The following GLI2 variants were observed in gnomAD, a reference collection of about 807,000 sequenced individuals.
The protein encoded by GLI2 is GLI family zinc finger 2, also known as transcription activator GLI2.
In GLI2, 22 loss-of-function variants were observed where a neutral mutation model predicts 78.9. The ratio of observed to expected loss-of-function variants is 0.28; its 90% CI spans 0.20 to 0.40. The LOEUF (loss-of-function observed/expected upper bound fraction) is 0.40, where lower values mean the gene tolerates loss of function less well. Ranked by LOEUF, GLI2 falls within the 10% of genes least tolerant of loss-of-function variation. The pLI is 1.00. For missense variants in GLI2, 2,097 were observed against 2,213.2 expected (o/e 0.95, Z 1.05); for synonymous variants, 974 against 963.7 (o/e 1.01, Z -0.20).
In GLI2 at chr2:120,973,769, C is replaced by T. The variant is rs542804498; in HGVS notation, c.1183-1206C>T. Among the ~76,000 whole-genome samples the T allele has an allele frequency of 1.4e-4, 21 of 152,274 alleles. No individual in the cohort carries two copies. The South Asian group carries it at 1.9e-3, about 14-fold the overall frequency. On this transcript the variant is annotated intron_variant, in intron 8 of 13. Coordinates refer to ENST00000361492, the MANE Select transcript of GLI2 (RefSeq NM_001374353.1). Reference sequence around the variant, plus strand: ...CTTTCCTGTTGGGAACAAGTGGATTCGTTGAAAGGTCCTTTGAGAAACAAT... The same window carrying T: ...CTTTCCTGTTGGGAACAAGTGGATTTGTTGAAAGGTCCTTTGAGAAACAAT...
chr2:120,808,270 G>C (rs1685055349), intron 2 of GLI2, among the ~76,000 whole-genome samples: 1 of 152,224 alleles, frequency 6.6e-6, no homozygotes, highest in East Asian at 1.9e-4. Flanking sequence ...TCTCTGTGTG[G>C]TGTGATGGTG....
chr2:120,911,592 G>A (rs145034437), intron 2 of GLI2, among the ~76,000 whole-genome samples: 4 of 152,284 alleles, frequency 2.6e-5, no homozygotes, highest in African/African-American at 9.6e-5. Context: ...CCAATAGTGG[G>A]AGGATTCACT....
chr2:120,952,556 C>T (rs189963517), intron 4 of GLI2, among the ~76,000 whole-genome samples: 514 of 152,346 alleles, frequency 3.4e-3, no homozygotes, highest in African/African-American at 0.012. Context: ...GACTCATCTT[C>T]CTGGCACGGA....
rs142626503 is a variant in GLI2 at position 120,800,473 on chromosome 2, T to TTTATTATTATTATTATTA, written c.148+3008_148+3025dup. 9.7e-4 allele frequency among the ~76,000 whole-genome samples: 144 copies of TTTATTATTATTATTATTA among 148,554 alleles called. No homozygotes were observed. Among genetic ancestry groups the TTTATTATTATTATTATTA allele is most frequent in the African/African-American group, 3.1e-3 (125 of 40,610 alleles). ...TTTGCTGTCTGGCGGAAAGGGATGA[T>TTTATTATTATTATTATTA]TTATTATTATTATTATTATTTTATT... On this transcript the variant is annotated intron_variant, in intron 2 of 13. Transcript: ENST00000361492. The surrounding 1 kb of genome is among the most constrained non-coding windows in gnomAD (Gnocchi z 4.1).
chr2:120,927,487 G>T, intron 3 of GLI2, 21 bp downstream of exon 3: 2 of 1,524,338 alleles, frequency 1.3e-6, no homozygotes, highest in Non-Finnish European at 1.8e-6. Context: ...CCCTCTGCCT[G>T]CTGCTCCTGG....
intron 1 of GLI2, among the ~76,000 whole-genome samples, chr2:120,750,090 G>A (rs916583294): frequency 3.9e-5 from 6 of 152,214 alleles, no homozygotes; most frequent in Non-Finnish European, 5.9e-5. Flanking sequence ...TGAGGGGAGG[G>A]CAGGGCGCAG....
intron 1 of GLI2, among the ~76,000 whole-genome samples, chr2:120,759,147 C>A (rs1419206533): frequency 6.6e-6 from 1 of 152,250 alleles, no homozygotes; most frequent in African/African-American, 2.4e-5. Context: ...TTCTCTTACA[C>A]TCTCACTCTG....
intron 1 of GLI2, among the ~76,000 whole-genome samples, chr2:120,747,991 C>T (rs752734346): frequency 1.3e-5 from 2 of 152,236 alleles, no homozygotes; most frequent in Admixed American, 1.3e-4. Flanking sequence ...ACTTATTAAG[C>T]TCACGGCTGT....
chr2:120,887,253 T>C (rs1054976295), intron 2 of GLI2, among the ~76,000 whole-genome samples: 9 of 152,154 alleles, frequency 5.9e-5, no homozygotes, highest in Non-Finnish European at 1.0e-4. Flanking sequence ...GAACATCCCA[T>C]TCTGGTGCTT....
At chr2:120,757,693 C>G (rs145440722) in intron 1 of GLI2, among the ~76,000 whole-genome samples, 337 of 152,322 alleles carry the variant, frequency 2.2e-3, no homozygotes, top group Non-Finnish European at 3.7e-3. Context: ...CATGCAAAAC[C>G]CTTCTTACCC....
chr2:120,813,881 A>G (rs1032349391), intron 2 of GLI2, among the ~76,000 whole-genome samples: 2 of 152,324 alleles, frequency 1.3e-5, no homozygotes, highest in East Asian at 3.9e-4. Flanking sequence ...TGTCTTAGTT[A>G]TCATTCTTAG....
chr2:120,972,075 C>T lies in GLI2; in HGVS notation c.1182+12C>T. 7 of 1,612,598 alleles carry T rather than the reference C, an allele frequency of 4.3e-6. No homozygotes were observed. Among genetic ancestry groups the T allele is most frequent in the Non-Finnish European group, 5.9e-6 (7 of 1,179,700 alleles). ...TGGCGCTGACGCAGGTAACCTGCTG[C>T]CAGCCGCACCACCTTCCTCCAGCTA... On this transcript the variant is annotated intron_variant, in intron 8 of 13. Transcript: ENST00000361492.
Position 120,927,401 on chromosome 2 carries a change from G to A in GLI2, c.189G>A (p.Pro63=), listed in dbSNP as rs200471311. The A allele has an allele frequency of 1.4e-4, 222 of 1,613,996 alleles. No individual in the cohort carries two copies. Among genetic ancestry groups the A allele is most frequent in the Middle Eastern group, 4.9e-4 (3 of 6,062 alleles). The change falls in exon 3 of 14, where the codon CCG becomes CCA. Residue 63 remains proline, a synonymous_variant. Coordinates refer to ENST00000361492, the MANE Select transcript of GLI2 (RefSeq NM_001374353.1). ...HLLPPFHAPL[P]IDMRHQEGRY... is the part of the protein sequence containing the mutation. ...TGCCACCATTCCATGCGCCCCTACC[G>A]ATTGACATGCGACACCAGGAAGGAA...
intron 5 of GLI2, among the ~76,000 whole-genome samples, chr2:120,958,591 C>A (rs1681391231): frequency 6.6e-6 from 1 of 152,154 alleles, no homozygotes; most frequent in Non-Finnish European, 1.5e-5. Flanking sequence ...CCACTTCTAG[C>A]CCCCTCAGGA....
intron 2 of GLI2, among the ~76,000 whole-genome samples, chr2:120,814,245 G>A (rs1333896166): frequency 6.6e-6 from 1 of 152,228 alleles, no homozygotes; most frequent in Non-Finnish European, 1.5e-5. Context: ...AAAGGGGTAA[G>A]GGCACCGGGA....
At chr2:120,887,894 G>A (rs2104738860) in intron 2 of GLI2, among the ~76,000 whole-genome samples, 1 of 152,364 alleles carries the variant, frequency 6.6e-6, no homozygotes, top group East Asian at 1.9e-4. Context: ...GCGCTAAGAA[G>A]CTTGGGACAT....
At chr2:120,855,033 C>T (rs975568609) in intron 2 of GLI2, among the ~76,000 whole-genome samples, 6 of 152,220 alleles carry the variant, frequency 3.9e-5, no homozygotes, top group African/African-American at 9.6e-5. Flanking sequence ...GAGGTCATCG[C>T]GGAATGACCC....
chr2:120,748,697 A>G (rs1682767509), intron 1 of GLI2, among the ~76,000 whole-genome samples: 1 of 152,188 alleles, frequency 6.6e-6, no homozygotes, highest in African/African-American at 2.4e-5. Flanking sequence ...GAGATTGATC[A>G]TCAGCTTTGC....
intron 2 of GLI2, among the ~76,000 whole-genome samples, chr2:120,871,076 A>G (rs1304407074): frequency 6.6e-6 from 1 of 152,354 alleles, no homozygotes; most frequent in East Asian, 1.9e-4. Context: ...TGCATGAAAT[A>G]TTATGGTAAA....
Sources: gnomAD v4.1 joint callset for allele counts (sites outside exome capture counted in the v4.1 genomes callset) on GRCh38, gnomAD v4.1.1 for gene constraint, Gnocchi (gnomAD v3.1) non-coding constraint, MANE v1.5 for transcripts, NCBI Gene and HGNC (gene_info 2026-07-23, HGNC 2026-07-21) for gene names.